The following ARHGAP39 variants were observed in gnomAD, a reference collection of about 807,000 sequenced individuals.
ARHGAP39 encodes the protein Rho GTPase activating protein 39, also known as rho GTPase-activating protein 39.
Under a neutral mutation model 106.9 loss-of-function variants are expected in ARHGAP39, and 44 were observed. That is an observed-to-expected ratio of 0.41 (90% CI 0.32 to 0.53). The LOEUF is 0.53. ARHGAP39 is among the 20% of genes least tolerant of loss of function. The pLI is 0.21. For missense variants in ARHGAP39, 1,496 were observed against 1,577.3 expected (o/e 0.95, Z 0.87); for synonymous variants, 768 against 693.2 (o/e 1.11, Z -1.69).
intron 1 of ARHGAP39, among the ~76,000 whole-genome samples, chr8:144,657,777 C>T (rs1473691598): frequency 6.6e-6 from 1 of 152,116 alleles, no homozygotes; most frequent in Non-Finnish European, 1.5e-5. Flanking sequence ...AAGCAGTTCA[C>T]AAAATCCACC....
At chr8:144,557,362 C>CA (rs1445903206) in intron 3 of ARHGAP39, among the ~76,000 whole-genome samples, 5 of 126,654 alleles carry the variant, frequency 3.9e-5, no homozygotes, top group African/African-American at 1.1e-4. Flanking sequence ...TATTCAGAGG[C>CA]AAAGGCTGAA....
At chr8:144,680,501 T>C (rs1822380944) in intron 1 of ARHGAP39, among the ~76,000 whole-genome samples, 1 of 152,214 alleles carries the variant, frequency 6.6e-6, no homozygotes, top group South Asian at 2.1e-4. Context: ...GGGTTAGGCC[T>C]TTAATCACAG....
the ARHGAP39 span, chr8:144,698,988 G>A: frequency 1.7e-5 from 7 of 420,782 alleles, no homozygotes; most frequent in East Asian, 5.1e-4. Context: ...GTTTCTCTTT[G>A]GAGTGGCCCA....
rs540662996 is a variant in ARHGAP39, at chr8:144,584,771, T to A, written c.81-3494A>T. On this transcript the variant is annotated intron_variant, in intron 2 of 11. Transcript: ENST00000377307. ...GAGCGAGACTCTGTCTCTAAATAAA[T>A]AAATAAATAGAATAAATCGAGTTTC... Among the ~76,000 whole-genome samples, 5 of 152,038 alleles carry A rather than the reference T, an allele frequency of 3.3e-5. No individual in the cohort carries two copies. In the South Asian group the frequency reaches 1.0e-3, roughly 32 times the overall value.
intron 2 of ARHGAP39, among the ~76,000 whole-genome samples, chr8:144,601,717 T>G (rs1375496878): frequency 7.7e-6 from 1 of 130,630 alleles, no homozygotes; most frequent in African/African-American, 3.0e-5. Flanking sequence ...GTGTGTGAGC[T>G]CATGTACCTG....
chr8:144,637,953 T>G (rs917500190), intron 1 of ARHGAP39, among the ~76,000 whole-genome samples: 1 of 151,904 alleles, frequency 6.6e-6, no homozygotes, highest in Non-Finnish European at 1.5e-5. Context: ...CCTCAGCCTC[T>G]CAAAGTGCTG....
chr8:144,618,884 T>A (rs1820709705), intron 1 of ARHGAP39, among the ~76,000 whole-genome samples: 2 of 152,218 alleles, frequency 1.3e-5, no homozygotes, highest in Non-Finnish European at 2.9e-5. Flanking sequence ...GCGGGCACAG[T>A]TGCGCACTGG....
At chr8:144,667,218 C>T (rs1239742165) in intron 1 of ARHGAP39, among the ~76,000 whole-genome samples, 1 of 152,230 alleles carries the variant, frequency 6.6e-6, no homozygotes, top group Non-Finnish European at 1.5e-5. Context: ...CCTGGATGCC[C>T]TCCTGCTCCC....
chr8:144,635,318 T>C (rs1024808159), intron 1 of ARHGAP39, among the ~76,000 whole-genome samples: 2 of 152,150 alleles, frequency 1.3e-5, no homozygotes, highest in South Asian at 2.1e-4. Flanking sequence ...ATCATGCCTA[T>C]GTAATGACGC....
intron 1 of ARHGAP39, among the ~76,000 whole-genome samples, chr8:144,667,116 T>G (rs950372066): frequency 1.3e-5 from 2 of 152,204 alleles, no homozygotes; most frequent in South Asian, 4.1e-4. Flanking sequence ...CTATTAAAAT[T>G]TATCCCCAAA....
intron 6 of ARHGAP39, among the ~76,000 whole-genome samples, chr8:144,542,811 C>T (rs1048507581): frequency 1.3e-5 from 2 of 151,948 alleles, no homozygotes; most frequent in African/African-American, 2.4e-5. Context: ...TGGTGGCGCG[C>T]ACCTGTGGTC....
intron 3 of ARHGAP39, among the ~76,000 whole-genome samples, chr8:144,560,021 T>A (rs891690563): frequency 6.6e-6 from 1 of 152,274 alleles, no homozygotes; most frequent in Non-Finnish European, 1.5e-5. Context: ...ACAGCACTAA[T>A]ATCTATTACA....
intron 8 of ARHGAP39, 30 bp from the exon 9 acceptor site, chr8:144,533,355 G>A: frequency 6.3e-7 from 1 of 1,596,922 alleles, no homozygotes; most frequent in Non-Finnish European, 8.6e-7. Context: ...GTCCTGGTCT[G>A]GCCTGGCCAT....
intron 4 of ARHGAP39, among the ~76,000 whole-genome samples, chr8:144,549,389 C>T (rs1280356245): frequency 2.6e-5 from 4 of 152,240 alleles, no homozygotes; most frequent in African/African-American, 4.8e-5. Flanking sequence ...TTTGCACATC[C>T]GCGGCCTGAC....
intron 1 of ARHGAP39, among the ~76,000 whole-genome samples, chr8:144,608,579 T>A (rs1820379176): frequency 6.6e-6 from 1 of 152,224 alleles, no homozygotes; most frequent in South Asian, 2.1e-4. Context: ...TTTTAATTAT[T>A]CCAGGTCCTT....
At chr8:144,699,172 G>C in the ARHGAP39 span, 3 of 244,018 alleles carry the variant, frequency 1.2e-5, no homozygotes, top group East Asian at 1.5e-4. Context: ...AGTGAGGGGC[G>C]CTGTGAGGCA....
chr8:144,652,789 G>A (rs1460004621), intron 1 of ARHGAP39, among the ~76,000 whole-genome samples: 1 of 152,006 alleles, frequency 6.6e-6, no homozygotes, highest in Non-Finnish European at 1.5e-5. Flanking sequence ...GGAGGGAGAG[G>A]AGCATAAAGG....
chr8:144,533,394 C>T lies in ARHGAP39; in HGVS notation c.2689-69G>A, dbSNP rs115224928. ...CAGGACCCCCCGCCACCCCGGTTGT[C>T]TTCTTTCCCCGAACATAGGTGGGTG... On this transcript the variant is annotated intron_variant, in intron 8 of 11. Coordinates refer to ENST00000377307, the MANE Select transcript of ARHGAP39 (RefSeq NM_025251.3). The T allele has an allele frequency of 7.1e-4, 1,067 of 1,501,824 alleles. 12 individuals carry two copies. In the African/African-American group the frequency reaches 0.012, roughly 16 times the overall value. 93.0% of individuals were successfully genotyped at this position (1,501,824 alleles called of 1,614,324 possible).
At position 144,555,767 on chromosome 8, in the gene ARHGAP39, C is replaced by T. The variant is rs1436910113; in HGVS notation, c.513-124G>A. On this transcript the variant is annotated intron_variant, in intron 3 of 11. Coordinates refer to ENST00000377307, the MANE Select transcript of ARHGAP39 (RefSeq NM_025251.3). Reference sequence around the variant, plus strand: ...TTCCTGGAAATAACCTGGCTCCTGCCCCCAGGCTGTATTCTTCATCTTCTG... The same window carrying T: ...TTCCTGGAAATAACCTGGCTCCTGCTCCCAGGCTGTATTCTTCATCTTCTG... 4.9e-6 allele frequency: 4 copies of T among 810,394 alleles called. No homozygotes were observed. The East Asian group carries it at 7.6e-5, about 15-fold the overall frequency. The allele number at this position is 810,394 out of a possible 1,614,324, so 50.2% of individuals were successfully genotyped here. A position where few individuals can be genotyped will look rare whatever the true frequency, so the allele number is the denominator to read the frequency against.
Sources: allele counts gnomAD v4.1 joint callset (sites outside exome capture counted in the v4.1 genomes callset), GRCh38; gene constraint gnomAD v4.1.1; transcripts MANE v1.5; gene names NCBI Gene and HGNC (gene_info 2026-07-23, HGNC 2026-07-21).